The following PABPN1 variants were observed in gnomAD, a reference collection of about 807,000 sequenced individuals.
PABPN1 encodes the protein polyadenylate-binding protein 2.
In PABPN1, 5 loss-of-function variants were observed where a neutral mutation model predicts 33.4. The observed-to-expected ratio is 0.15, with a 90% CI of 0.08 to 0.32. The LOEUF (loss-of-function observed/expected upper bound fraction) is 0.32. Among genes scored for constraint, PABPN1 ranks in the 10% least tolerant of loss-of-function variants. The pLI is 1.00. For missense variants in PABPN1, 312 were observed against 425.8 expected, an observed-to-expected ratio of 0.73 and a Z score of 2.35; for synonymous variants, 176 against 170.6, an observed-to-expected ratio of 1.03 and a Z score of -0.25.
chr14:23,324,985 T>G, intron 6 of PABPN1: 1 of 449,220 alleles, frequency 2.2e-6, no homozygotes, highest in Non-Finnish European at 4.0e-6. Flanking sequence ...AAAAAGGGGG[T>G]CCTTTTCCTT....
chr14:23,323,210 A>G, intron 3 of PABPN1, 144 bp downstream of exon 3: 1 of 1,281,486 alleles, frequency 7.8e-7, no homozygotes. Flanking sequence ...TAATGGAATG[A>G]TCAGTAATCA....
intron 2 of PABPN1, 162 bp downstream of exon 2, chr14:23,322,457 T>G (rs536689458): frequency 1.4e-6 from 1 of 693,956 alleles, no homozygotes; most frequent in African/African-American, 1.8e-5. Context: ...CTCTGACCTT[T>G]GTGAGGCAGA....
chr14:23,322,306 GGCGGTTGCAC>G lies in PABPN1; in HGVS notation c.466+16_466+25del. ...CACCTCCAGGCAATGGTGAGTAACT[GGCGGTTGCAC>G]GCGGAGCCCGGGTTCTCGGGTTGGA... On this transcript the variant is annotated intron_variant, in intron 2 of 6. Coordinates refer to ENST00000216727, the MANE Select transcript of PABPN1 (RefSeq NM_004643.4). 1 of 1,590,184 alleles carries G rather than the reference GGCGGTTGCAC, an allele frequency of 6.3e-7. No individual in the cohort carries two copies.
At chr14:23,324,112 C>A in intron 5 of PABPN1, 26 bp from the exon 6 acceptor site, 1 of 1,614,186 alleles carries the variant, frequency 6.2e-7, no homozygotes, top group Non-Finnish European at 8.5e-7. Flanking sequence ...GCCTTTAAGG[C>A]TATCATTTGT....
Position 23,324,166 on chromosome 14 carries a change from G to T in PABPN1, c.758G>T (p.Gly253Val). 6.2e-7 allele frequency: 1 copy of T among 1,614,172 alleles called. No homozygotes were observed. ...ATCCCAAAACGAACCAACAGACCAGGCATCAGCACAACAGACCGGGGTTTT... is the reference window on the plus strand; with the variant it reads ...ATCCCAAAACGAACCAACAGACCAGTCATCAGCACAACAGACCGGGGTTTT... The part of the protein sequence containing the change: ...KVIPKRTNRP[G>V]ISTTDRGFPR... Residue 253 changes from glycine to valine, a missense_variant, in exon 6 of 7, where the codon GGC becomes GTC. Around this residue, in one of 3 missense-constraint regions of PABPN1, gnomAD observed 77 missense variants for 185.7 expected, o/e 0.41. Coordinates refer to ENST00000216727, the MANE Select transcript of PABPN1 (RefSeq NM_004643.4).
At position 23,325,508 on chromosome 14, in the gene PABPN1, C is replaced by T. The variant is rs1289921351; in HGVS notation, c.*222C>T. 2 of 592,118 alleles carry T rather than the reference C, an allele frequency of 3.4e-6. No individual in the cohort carries two copies. The highest frequency in any genetic ancestry group is 2.9e-6 in the Non-Finnish European group (1 of 345,222). The allele number at this position is 592,118 out of a possible 1,614,324, so 36.7% of individuals were successfully genotyped here. On this transcript the variant is annotated 3_prime_UTR_variant, in exon 7 of 7. Transcript: ENST00000216727. ...AAGGCCCAGGGAGTGGGGCAGGGGG[C>T]TGCTTATTCACTCTGGGGATTCGCC...
Position 23,324,071 on chromosome 14 carries a change from C to T in PABPN1, c.729+19C>T, listed in dbSNP as rs370788113. The T allele has an allele frequency of 5.6e-6, 9 of 1,614,086 alleles. No individual in the cohort carries two copies. The highest frequency in any genetic ancestry group is 7.6e-6 in the Non-Finnish European group (9 of 1,180,040). On this transcript the variant is annotated intron_variant, in intron 5 of 6. Transcript: ENST00000216727. ...AATCAAGGTAAGCCTATGTCCATTGCTGTTCTAGTTGTGTATAAACTCTCC... is the reference window on the plus strand; with the variant it reads ...AATCAAGGTAAGCCTATGTCCATTGTTGTTCTAGTTGTGTATAAACTCTCC...
chr14:23,321,782 G>A lies in PABPN1; in HGVS notation c.313G>A (p.Val105Ile), dbSNP rs751341605. The A allele has an allele frequency of 2.0e-5, 30 of 1,521,870 alleles. No individual in the cohort carries two copies. Among genetic ancestry groups the A allele is most frequent in the Non-Finnish European group, 2.6e-5 (30 of 1,135,116 alleles). The allele number at this position is 1,521,870 out of a possible 1,614,324, so 94.3% of individuals were successfully genotyped here. ...AGAGGAGGAGGAGGAGCCGGGACTGGTCGAGGGTGACCCGGGGGACGGCGC... is the reference window on the plus strand; with the variant it reads ...AGAGGAGGAGGAGGAGCCGGGACTGATCGAGGGTGACCCGGGGGACGGCGC... ...SQEEEEEPGL[V>I]EGDPGDGAIE... The change falls in exon 1 of 7, where the codon GTC (valine) becomes ATC (isoleucine). Residue 105 changes from valine (V) to isoleucine (I), a missense_variant. This residue lies in a region of PABPN1 where 167 missense variants were observed against 168.9 expected (regional missense o/e 0.99). Coordinates refer to ENST00000216727, the MANE Select transcript of PABPN1 (RefSeq NM_004643.4).
chr14:23,321,773 C>G lies in PABPN1; in HGVS notation c.304C>G (p.Pro102Ala). ...APGSQEEEEE[P>A]GLVEGDPGDG... is the part of the protein sequence containing the mutation. The stretch of plus-strand genomic sequence containing the variant: ...CGGCAGCCAAGAGGAGGAGGAGGAG[C>G]CGGGACTGGTCGAGGGTGACCCGGG... Residue 102 changes from proline (P) to alanine (A), a missense_variant, in exon 1 of 7, where the codon CCG (proline) becomes GCG (alanine). By Grantham distance (27) the Pro-to-Ala change is conservative. This residue lies in a region of PABPN1 where 167 missense variants were observed against 168.9 expected (regional missense o/e 0.99). Coordinates refer to ENST00000216727, the MANE Select transcript of PABPN1 (RefSeq NM_004643.4). The G allele has an allele frequency of 6.5e-7, 1 of 1,531,580 alleles. No homozygotes were observed. The highest frequency in any genetic ancestry group is 2.0e-5 in the Admixed American group (1 of 49,140). 94.9% of individuals were successfully genotyped at this position (1,531,580 alleles called of 1,614,324 possible).
chr14:23,325,343 AAG>A lies in PABPN1; in HGVS notation c.*59_*60del. 6.5e-7 allele frequency: 1 copy of A among 1,541,902 alleles called. No individual in the cohort carries two copies. The highest frequency in any genetic ancestry group is 8.7e-7 in the Non-Finnish European group (1 of 1,148,258). ...AAAAAGAGGAAAGAAGGAAAAAAAA[AAG>A]AATTAAAAAAAAAAAAAAGAAAAAC... On this transcript the variant is annotated 3_prime_UTR_variant, in exon 7 of 7. Coordinates refer to ENST00000216727, the MANE Select transcript of PABPN1 (RefSeq NM_004643.4).
intron 6 of PABPN1, 152 bp downstream of exon 6, chr14:23,324,441 G>A (rs887930568): frequency 9.4e-7 from 1 of 1,067,172 alleles, no homozygotes; most frequent in Non-Finnish European, 1.4e-6. Context: ...GAAGGTAGTT[G>A]CAGGCCAGGC....
chr14:23,324,458 GC>G, intron 6 of PABPN1, 169 bp downstream of exon 6: 1 of 842,648 alleles, frequency 1.2e-6, no homozygotes, highest in Non-Finnish European at 1.9e-6. Context: ...AGGCCAGAAG[GC>G]CAGCCTCATC....
chr14:23,324,896 C>G (rs984144565), intron 6 of PABPN1: 1 of 285,302 alleles, frequency 3.5e-6, no homozygotes, highest in Admixed American at 4.7e-5. Flanking sequence ...TAAGCTCTAC[C>G]TGCCTATCCC....
chr14:23,323,079 G>A lies in PABPN1; in HGVS notation c.534+13G>A. 1 of 1,614,140 alleles carries A rather than the reference G, an allele frequency of 6.2e-7. No individual in the cohort carries two copies. ...CTATGTTGGCAATGTACGTACTGGG[G>A]CTCTGACTGGGGTTGGGGGCAAGTT... On this transcript the variant is annotated intron_variant, in intron 3 of 6. Coordinates refer to ENST00000216727, the MANE Select transcript of PABPN1 (RefSeq NM_004643.4).
intron 6 of PABPN1, 76 bp downstream of exon 6, chr14:23,324,365 A>C (rs1313367992): frequency 6.4e-7 from 1 of 1,565,220 alleles, no homozygotes; most frequent in Admixed American, 1.7e-5. Flanking sequence ...TGGTCTGAGG[A>C]ACCTCCCTCC....
intron 2 of PABPN1, chr14:23,322,610 C>T (rs1888400579): frequency 4.3e-6 from 2 of 460,878 alleles, no homozygotes; most frequent in East Asian, 4.2e-5. Flanking sequence ...GTTTTTCCTC[C>T]AATTGGAGAC....
At chr14:23,322,972 T>A in intron 2 of PABPN1, 27 bp from the exon 3 acceptor site, 1 of 1,614,196 alleles carries the variant, frequency 6.2e-7, no homozygotes, top group Non-Finnish European at 8.5e-7. Context: ...TGTGTGGTTT[T>A]TGTAAAAAAT....
Position 23,321,495 on chromosome 14 carries a change from C to G in PABPN1, c.26C>G (p.Ala9Gly). The G allele has an allele frequency of 2.5e-6, 3 of 1,212,890 alleles. No homozygotes were observed. The highest frequency in any genetic ancestry group is 3.1e-6 in the Non-Finnish European group (3 of 975,170). 75.1% of individuals were successfully genotyped at this position (1,212,890 alleles called of 1,614,324 possible). A position where few individuals can be genotyped will look rare whatever the true frequency, so the allele number is the denominator to read the frequency against. Residue 9 changes from alanine (A) to glycine (G), a missense_variant, in exon 1 of 7, where the codon GCA (alanine) becomes GGA (glycine). By Grantham distance (60) the Ala-to-Gly change is moderately conservative (BLOSUM62 0). Around this residue, in one of 3 missense-constraint regions of PABPN1, gnomAD observed 167 missense variants for 168.9 expected, o/e 0.99. Transcript: ENST00000216727. MAAAAAAA[A>G]AAGAAGGRGS... ...ATGGCGGCGGCGGCGGCGGCGGCAG[C>G]AGCAGCGGGGGCTGCGGGCGGTCGG...
intron 2 of PABPN1, chr14:23,322,741 A>T: frequency 1.9e-6 from 1 of 532,714 alleles, no homozygotes; most frequent in Non-Finnish European, 3.4e-6. Flanking sequence ...GCCATTCATT[A>T]GGGATTTGAT....
Sources: gnomAD v4.1 joint callset for allele counts on GRCh38, gnomAD v4.1.1 for gene constraint, gnomAD v4.1.1 regional missense constraint, MANE v1.5 for transcripts, NCBI Gene and HGNC (gene_info 2026-07-23, HGNC 2026-07-21) for gene names.